Variants in MAP3K20 observed in about 807,000 individuals in gnomAD.
The protein encoded by MAP3K20 is mitogen-activated protein kinase kinase kinase 20.
A neutral mutation model predicts 85.7 loss-of-function variants in MAP3K20; 40 were observed. The observed-to-expected ratio is 0.47, with a 90% CI of 0.36 to 0.61. The LOEUF (loss-of-function observed/expected upper bound fraction) is 0.61, where lower values mean the gene tolerates loss of function less well. MAP3K20 is among the 20% of genes least tolerant of loss of function. The probability of loss-of-function intolerance (pLI) is 0.00; values close to 1 mark genes in which losing one functional copy is unlikely to be tolerated. For missense variants in MAP3K20, 817 were observed against 961.7 expected, an observed-to-expected ratio of 0.85 and a Z score of 1.99; for synonymous variants, 325 against 327.7, an observed-to-expected ratio of 0.99 and a Z score of 0.09.
chr2:173,238,129 C>G (rs76936042), intron 14 of MAP3K20, among the ~76,000 whole-genome samples: 1 of 152,252 alleles, frequency 6.6e-6, no homozygotes, highest in East Asian at 1.9e-4. Flanking sequence ...CCAGCCTGCA[C>G]GACAGAATGA....
intron 2 of MAP3K20, among the ~76,000 whole-genome samples, chr2:173,114,772 C>A (rs1377613516): frequency 6.6e-6 from 1 of 152,192 alleles, no homozygotes; most frequent in Non-Finnish European, 1.5e-5. Flanking sequence ...GCTGAGAAAT[C>A]TGCTGTTAAT....
chr2:173,109,007 G>A (rs922360680), intron 2 of MAP3K20, among the ~76,000 whole-genome samples: 7 of 152,176 alleles, frequency 4.6e-5, no homozygotes, highest in African/African-American at 1.4e-4. Flanking sequence ...TACCTTGAAA[G>A]TACACTCATA....
intron 11 of MAP3K20, among the ~76,000 whole-genome samples, chr2:173,219,161 T>A (rs1684161793): frequency 6.6e-6 from 1 of 152,248 alleles, no homozygotes. Flanking sequence ...TAGCTTTAAC[T>A]GAGATTTCTT....
At chr2:173,160,263 A>C (rs1356730845) in intron 2 of MAP3K20, 2 of 152,288 alleles carry the variant, frequency 1.3e-5, no homozygotes, top group African/African-American at 4.8e-5. Context: ...GGGTCTTGTT[A>C]AGCCCAAAGT....
Position 173,135,000 on chromosome 2 carries a change from G to C in MAP3K20, c.160-34805G>C. Among the ~76,000 whole-genome samples, 2 of 152,100 alleles carry C rather than the reference G, an allele frequency of 1.3e-5. 1 individual carries two copies. The highest frequency in any genetic ancestry group is 2.9e-5 in the Non-Finnish European group (2 of 68,020). On this transcript the variant is annotated intron_variant, in intron 2 of 19. Transcript: ENST00000375213. ...CTTAGTCTCCTCATTTCTAAAGTGA[G>C]GATAACAGGACCTGCCTCAGGACAA...
intron 15 of MAP3K20, among the ~76,000 whole-genome samples, chr2:173,238,665 C>T (rs1364055225): frequency 6.6e-6 from 1 of 152,196 alleles, no homozygotes. Flanking sequence ...ACACACCTTA[C>T]TTTAGTGGCT....
intron 2 of MAP3K20, among the ~76,000 whole-genome samples, chr2:173,112,135 C>T (rs149777642): frequency 1.5e-3 from 226 of 152,050 alleles, no homozygotes; most frequent in African/African-American, 5.2e-3. Flanking sequence ...TTGACTCCTT[C>T]GTTAGGTATA....
chr2:173,259,999 G>A (rs1319114112), intron 17 of MAP3K20, among the ~76,000 whole-genome samples: 1 of 151,370 alleles, frequency 6.6e-6, no homozygotes, highest in Non-Finnish European at 1.5e-5. Context: ...CCAATCGAAA[G>A]TTATAGAATT....
chr2:173,244,413 G>A (rs1422463527), intron 16 of MAP3K20, among the ~76,000 whole-genome samples: 3 of 152,138 alleles, frequency 2.0e-5, no homozygotes, highest in Admixed American at 2.0e-4. Context: ...TTTCTAAAGA[G>A]CTCAGGTATT....
chr2:173,242,668 G>GTTCCTT (rs1684815609), intron 16 of MAP3K20, among the ~76,000 whole-genome samples: 1 of 134,452 alleles, frequency 7.4e-6, no homozygotes, highest in Non-Finnish European at 1.6e-5. Context: ...ATCCTCTGCT[G>GTTCCTT]TTCCTTGGTC....
chr2:173,230,911 G>A (rs1277637640), intron 12 of MAP3K20, among the ~76,000 whole-genome samples: 7 of 152,102 alleles, frequency 4.6e-5, no homozygotes, highest in Non-Finnish European at 8.8e-5. Flanking sequence ...CAAGAGAATC[G>A]CTTGAATATG....
At chr2:173,266,017 C>T in intron 19 of MAP3K20, 33 bp from the exon 20 acceptor site, 2 of 1,536,430 alleles carry the variant, frequency 1.3e-6, no homozygotes, top group Non-Finnish European at 8.8e-7. Context: ...TTTAGTGTGG[C>T]TTAAAAGATG....
At position 173,248,487 on chromosome 2, in the gene MAP3K20, A is replaced by G. The variant is rs538034023; in HGVS notation, c.1359+8991A>G. On this transcript the variant is annotated intron_variant, in intron 16 of 19. Coordinates refer to ENST00000375213, the MANE Select transcript of MAP3K20 (RefSeq NM_016653.3). ...ATGCAGTTCAGAATTTTACAACTGCATAAGTCACTGCTGATTTCTAATTAC... is the reference window on the plus strand; with the variant it reads ...ATGCAGTTCAGAATTTTACAACTGCGTAAGTCACTGCTGATTTCTAATTAC... Among the ~76,000 whole-genome samples the G allele has an allele frequency of 3.3e-5, 5 of 152,398 alleles. No individual in the cohort carries two copies. The East Asian group carries it at 5.8e-4, about 18-fold the overall frequency.
In MAP3K20 at chr2:173,117,694, G is replaced by A. The variant is rs538802778; in HGVS notation, c.159+26504G>A. On this transcript the variant is annotated intron_variant, in intron 2 of 19. Coordinates refer to ENST00000375213, the MANE Select transcript of MAP3K20 (RefSeq NM_016653.3). The stretch of plus-strand genomic sequence containing the variant: ...AATAGAACAAATGTGAGGATACTCT[G>A]AAGGAGTACTCATCTAGAAAATGCA... Among the ~76,000 whole-genome samples the A allele has an allele frequency of 3.3e-3, 501 of 152,272 alleles. 5 individuals are homozygous for A. Among genetic ancestry groups the A allele is most frequent in the African/African-American group, 0.012 (483 of 41,548 alleles).
intron 2 of MAP3K20, among the ~76,000 whole-genome samples, chr2:173,144,752 G>GT (rs1289594121): frequency 6.6e-6 from 1 of 152,048 alleles, no homozygotes; most frequent in Non-Finnish European, 1.5e-5. Flanking sequence ...AAGTCCAGTT[G>GT]TAAGACTCAG....
chr2:173,075,818 A>G, upstream of MAP3K20: 1 of 985,400 alleles, frequency 1.0e-6, no homozygotes, highest in Non-Finnish European at 1.2e-6. Context: ...GCCGGGAGGT[A>G]GGTGGTGCTG....
At chr2:173,156,169 A>G (rs1368746020) in intron 2 of MAP3K20, among the ~76,000 whole-genome samples, 1 of 152,200 alleles carries the variant, frequency 6.6e-6, no homozygotes, top group African/African-American at 2.4e-5. Flanking sequence ...TAGAATAATG[A>G]ATTGTTGAGC....
rs113858784 is a variant in MAP3K20 at position 173,262,889 on chromosome 2, G to A, written c.1552-856G>A. Reference sequence around the variant, plus strand: ...AGGAAAAGCCCTCTTGTTAGTAATCGGACAATTAGAACAACCAGATTCTAC... The same window carrying A: ...AGGAAAAGCCCTCTTGTTAGTAATCAGACAATTAGAACAACCAGATTCTAC... On this transcript the variant is annotated intron_variant, in intron 18 of 19. Transcript: ENST00000375213. Among the ~76,000 whole-genome samples the A allele has an allele frequency of 6.7e-3, 1,019 of 152,246 alleles. 15 individuals are homozygous for A. The highest frequency in any genetic ancestry group is 0.023 in the African/African-American group (965 of 41,538).
At chr2:173,225,036 TGTG>T (rs1684346313) in intron 11 of MAP3K20, 1 of 984,450 alleles carries the variant, frequency 1.0e-6, no homozygotes, top group African/African-American at 1.7e-5. Context: ...ATCTCTCAGT[TGTG>T]GGAATAATTA....
Sources: gnomAD v4.1 joint callset for allele counts (sites outside exome capture counted in the v4.1 genomes callset) on GRCh38, gnomAD v4.1.1 for gene constraint, MANE v1.5 for transcripts, NCBI Gene and HGNC (gene_info 2026-07-23, HGNC 2026-07-21) for gene names.